Variants in WRN observed in about 807,000 individuals in gnomAD.
WRN encodes the protein bifunctional 3'-5' exonuclease/ATP-dependent helicase WRN.
A neutral mutation model predicts 180.7 loss-of-function variants in WRN; 149 were observed. The observed-to-expected ratio is 0.82, with a 90% confidence interval of 0.72 to 0.94. The LOEUF (loss-of-function observed/expected upper bound fraction) is 0.94, where lower values mean the gene tolerates loss of function less well. Among genes scored for constraint, WRN ranks in the 40% least tolerant of loss-of-function variants. The pLI is 0.00. For missense variants in WRN, 1,661 were observed against 1,700.1 expected, an observed-to-expected ratio of 0.98 and a Z score of 0.40; for synonymous variants, 548 against 568.9, an observed-to-expected ratio of 0.96 and a Z score of 0.52.
chr8:31,151,053 T>G (rs1222599122), intron 31 of WRN, among the ~76,000 whole-genome samples: 1 of 152,214 alleles, frequency 6.6e-6, no homozygotes, highest in Non-Finnish European at 1.5e-5. Context: ...GGTGAGGCAG[T>G]GGGAGGTAGA....
chr8:31,049,617 C>T (rs1366265670), intron 1 of WRN, among the ~76,000 whole-genome samples: 1 of 151,804 alleles, frequency 6.6e-6, no homozygotes, highest in Non-Finnish European at 1.5e-5. Context: ...TTTCTCTTCT[C>T]TGTTTGAATT....
chr8:31,101,694 G>A (rs1165595439), intron 18 of WRN, among the ~76,000 whole-genome samples: 1 of 151,176 alleles, frequency 6.6e-6, no homozygotes, highest in African/African-American at 2.4e-5. Context: ...GGCTGAGGCA[G>A]GGGAATTGCT....
intron 1 of WRN, among the ~76,000 whole-genome samples, chr8:31,053,952 G>A (rs531186872): frequency 3.1e-4 from 47 of 152,154 alleles, no homozygotes; most frequent in Non-Finnish European, 5.3e-4. Context: ...TAAAGAAAAG[G>A]AGAAGCTATT....
intron 34 of WRN, chr8:31,171,347 AAC>A (rs1804094966): frequency 6.6e-6 from 1 of 152,106 alleles, no homozygotes; most frequent in Non-Finnish European, 1.5e-5. Flanking sequence ...AAAAAAAAAA[AAC>A]ATTAAAAAGT....
intron 30 of WRN, 144 bp downstream of exon 30, chr8:31,147,620 CT>C: frequency 1.3e-6 from 1 of 751,374 alleles, no homozygotes; most frequent in South Asian, 1.5e-5. Flanking sequence ...ATGCTTATCT[CT>C]TTGCCAAGCT....
chr8:31,104,026 G>A (rs535423029), intron 18 of WRN, among the ~76,000 whole-genome samples: 94 of 152,342 alleles, frequency 6.2e-4, no homozygotes, highest in South Asian at 3.5e-3. Flanking sequence ...GAGCCACTGC[G>A]CCCGGCCTTC....
intron 19 of WRN, among the ~76,000 whole-genome samples, chr8:31,115,630 CTAA>C (rs1801488420): frequency 6.6e-6 from 1 of 152,032 alleles, no homozygotes; most frequent in Non-Finnish European, 1.5e-5. Flanking sequence ...TTTCCTAAAT[CTAA>C]AATAGTATAG....
chr8:31,148,480 T>C (rs1802955496), intron 30 of WRN, among the ~76,000 whole-genome samples: 2 of 152,224 alleles, frequency 1.3e-5, no homozygotes, highest in South Asian at 4.1e-4. Context: ...TCCCTCTAAG[T>C]TACAGAATTT....
At chr8:31,134,687 A>G (rs1366218980) in intron 24 of WRN, among the ~76,000 whole-genome samples, 1 of 152,234 alleles carries the variant, frequency 6.6e-6, no homozygotes, top group African/African-American at 2.4e-5. Flanking sequence ...CGTTAGCAGA[A>G]TGCCAAATCT....
chr8:31,157,121 C>T (rs1249322521), intron 32 of WRN, among the ~76,000 whole-genome samples: 1 of 152,120 alleles, frequency 6.6e-6, no homozygotes, highest in Middle Eastern at 3.2e-3. Context: ...GGATTGAATT[C>T]TTCGGTAAAG....
chr8:31,144,607 G>A (rs914484424), intron 28 of WRN, among the ~76,000 whole-genome samples: 1 of 152,148 alleles, frequency 6.6e-6, no homozygotes. Flanking sequence ...AAAGTGCTGG[G>A]ATTACAGGTG....
chr8:31,154,502 A>G, intron 31 of WRN, 122 bp from the exon 32 acceptor site: 1 of 1,180,566 alleles, frequency 8.5e-7, no homozygotes, highest in Non-Finnish European at 1.2e-6. Context: ...ATAAAAAGGG[A>G]ATTATTTGTT....
chr8:31,144,887 G>T (rs571845163), intron 28 of WRN, among the ~76,000 whole-genome samples: 1 of 152,176 alleles, frequency 6.6e-6, no homozygotes, highest in Non-Finnish European at 1.5e-5. Context: ...AGTTTTAGTG[G>T]TCTTTATAGG....
rs1563397666 is a variant in WRN at position 31,174,823 on chromosome 8, C to CCTTCCTTCCTTCCTTCCTTACTT, written c.*1722_*1723insTTCCTTCCTTCCTTCCTTACTTC. 5.4e-5 allele frequency among the ~76,000 whole-genome samples: 3 copies of CCTTCCTTCCTTCCTTCCTTACTT among 55,140 alleles called. No individual in the cohort carries two copies. The East Asian group carries it at 2.0e-3, about 38-fold the overall frequency. 36.2% of individuals were successfully genotyped at this position (55,140 alleles called of 152,430 possible). A position where few individuals can be genotyped will look rare whatever the true frequency, so the allele number is the denominator to read the frequency against. On this transcript the variant is annotated 3_prime_UTR_variant, in exon 35 of 35. Coordinates refer to ENST00000298139, the MANE Select transcript of WRN (RefSeq NM_000553.6). ...TTCCTTCCTTCCTTCCTTCCTTCCT[C>CCTTCCTTCCTTCCTTCCTTACTT]CCTCCCTCCCTCCCTCCCTCCCTCC...
intron 21 of WRN, among the ~76,000 whole-genome samples, chr8:31,122,191 G>GGTTA (rs1176812472): frequency 6.6e-6 from 1 of 151,902 alleles, no homozygotes; most frequent in Non-Finnish European, 1.5e-5. Context: ...GGTATAGACA[G>GGTTA]GTTACCCTTT....
At chr8:31,136,004 C>G (rs535173908) in intron 24 of WRN, among the ~76,000 whole-genome samples, 6 of 152,076 alleles carry the variant, frequency 3.9e-5, no homozygotes, top group Admixed American at 3.9e-4. Context: ...TATTTTTCCA[C>G]CTGGTTTATA....
intron 1 of WRN, among the ~76,000 whole-genome samples, chr8:31,051,608 A>C (rs889034180): frequency 6.6e-6 from 1 of 152,246 alleles, no homozygotes; most frequent in African/African-American, 2.4e-5. Context: ...ATAATCTCTT[A>C]GCATTTAATT....
chr8:31,081,415 G>A, intron 9 of WRN, 119 bp downstream of exon 9: 1 of 1,047,868 alleles, frequency 9.5e-7, no homozygotes, highest in Non-Finnish European at 1.4e-6. Context: ...CTCTGTTGCA[G>A]TAACTCAGTT....
At chr8:31,041,084 T>G (rs1231470011) in intron 1 of WRN, among the ~76,000 whole-genome samples, 1 of 152,214 alleles carries the variant, frequency 6.6e-6, no homozygotes, top group Non-Finnish European at 1.5e-5. Context: ...ACAGAACCAA[T>G]GGGAGATCTT....
Sources: allele counts gnomAD v4.1 joint callset (sites outside exome capture counted in the v4.1 genomes callset), GRCh38; gene constraint gnomAD v4.1.1; transcripts MANE v1.5; gene names NCBI Gene and HGNC (gene_info 2026-07-23, HGNC 2026-07-21).